Variants in TMEM150C observed in about 807,000 individuals in gnomAD.
TMEM150C encodes transmembrane protein 150C, also known as tentonin 3.
TMEM150C carries 10 observed loss-of-function variants against 29.9 expected under a neutral mutation model. The ratio of observed to expected loss-of-function variants is 0.33; its 90% CI spans 0.21 to 0.57. The LOEUF (loss-of-function observed/expected upper bound fraction) is 0.57. Ranked by LOEUF, TMEM150C falls within the 20% of genes least tolerant of loss-of-function variation. The pLI is 0.88. For synonymous variants in TMEM150C, 101 were observed against 112.5 expected, an observed-to-expected ratio of 0.90 and a Z score of 0.64; for missense variants, 251 against 303.6, an observed-to-expected ratio of 0.83 and a Z score of 1.29.
chr4:82,503,796 G>A (rs1723812273), intron 2 of TMEM150C, among the ~76,000 whole-genome samples: 1 of 151,958 alleles, frequency 6.6e-6, no homozygotes, highest in Non-Finnish European at 1.5e-5. Context: ...CTTGCAGTGA[G>A]CCAAGATCAT....
chr4:82,494,915 G>T, intron 6 of TMEM150C: 1 of 553,922 alleles, frequency 1.8e-6, no homozygotes. Context: ...CTTGTTCCTT[G>T]CGCTTCTCTT....
At chr4:82,493,671 A>C (rs1308778701) in intron 6 of TMEM150C, among the ~76,000 whole-genome samples, 1 of 152,238 alleles carries the variant, frequency 6.6e-6, no homozygotes, top group East Asian at 1.9e-4. Context: ...CGAGAGAAAC[A>C]ATAGTGACTG....
intron 1 of TMEM150C, among the ~76,000 whole-genome samples, chr4:82,534,178 C>T (rs75360632): frequency 0.055 from 8,435 of 152,154 alleles, 246 homozygotes; most frequent in South Asian, 0.076. Context: ...TATTTTGCAA[C>T]GTTTATTTTG....
Position 82,551,804 on chromosome 4 carries a change from C to T in TMEM150C, c.-11+10102G>A, listed in dbSNP as rs192385894. ...GTAACTGTTTACATGGCAGTCACCCCACTAGACTGAATAAGTGTGGCATAT... is the reference window on the plus strand; with the variant it reads ...GTAACTGTTTACATGGCAGTCACCCTACTAGACTGAATAAGTGTGGCATAT... On this transcript the variant is annotated intron_variant, in intron 1 of 7. Transcript: ENST00000449862. Among the ~76,000 whole-genome samples the T allele has an allele frequency of 4.0e-3, 612 of 152,296 alleles. 4 individuals are homozygous for T. Among genetic ancestry groups the T allele is most frequent in the African/African-American group, 0.014 (582 of 41,550 alleles).
chr4:82,536,667 AG>A (rs1172576936), intron 1 of TMEM150C, among the ~76,000 whole-genome samples: 2 of 152,110 alleles, frequency 1.3e-5, no homozygotes, highest in African/African-American at 4.8e-5. Context: ...GCTTAAGCCC[AG>A]GAGTTGGAGA....
intron 1 of TMEM150C, among the ~76,000 whole-genome samples, chr4:82,518,688 T>A (rs1033868519): frequency 6.6e-6 from 1 of 152,194 alleles, no homozygotes; most frequent in African/African-American, 2.4e-5. Flanking sequence ...TCCTCCCTAC[T>A]GGGGTTTGGC....
intron 7 of TMEM150C, 115 bp downstream of exon 7, chr4:82,489,946 C>T: frequency 1.9e-6 from 2 of 1,077,154 alleles, no homozygotes; most frequent in South Asian, 1.7e-5. Context: ...TTACCTTTGC[C>T]TTAAGATTCT....
intron 6 of TMEM150C, among the ~76,000 whole-genome samples, chr4:82,494,091 T>C (rs928512710): frequency 3.3e-5 from 5 of 152,202 alleles, no homozygotes; most frequent in Non-Finnish European, 7.3e-5. Context: ...AAATGAACGA[T>C]AGAATGCTGA....
In TMEM150C at chr4:82,504,563, T is replaced by G; in HGVS notation, c.80+15A>C. On this transcript the variant is annotated intron_variant, in intron 2 of 7. Transcript: ENST00000449862. ...GCACCTGAATCCTTAAATAATTAAA[T>G]GAGCAAATACTCACACTATCCACAA... 1 of 1,603,774 alleles carries G rather than the reference T, an allele frequency of 6.2e-7. No individual in the cohort carries two copies.
At chr4:82,504,777 T>C in intron 1 of TMEM150C, 110 bp from the exon 2 acceptor site, 2 of 744,146 alleles carry the variant, frequency 2.7e-6, no homozygotes, top group Non-Finnish European at 4.4e-6. Flanking sequence ...ACACCTGTAA[T>C]CCCAGCACTT....
chr4:82,533,011 A>G (rs2110083806), intron 1 of TMEM150C, among the ~76,000 whole-genome samples: 1 of 152,278 alleles, frequency 6.6e-6, no homozygotes, highest in East Asian at 1.9e-4. Flanking sequence ...TACAGGTGTG[A>G]GCCACTGCGC....
At chr4:82,504,480 C>G (rs1218076976) in intron 2 of TMEM150C, 98 bp downstream of exon 2, 1 of 918,376 alleles carries the variant, frequency 1.1e-6, no homozygotes, top group Non-Finnish European at 1.7e-6. Flanking sequence ...AGATTACAGG[C>G]ATGAGCCACC....
At chr4:82,521,938 C>T (rs1724501643) in intron 1 of TMEM150C, among the ~76,000 whole-genome samples, 1 of 152,066 alleles carries the variant, frequency 6.6e-6, no homozygotes, top group African/African-American at 2.4e-5. Flanking sequence ...TGGCTCACAC[C>T]TGTAATACCA....
chr4:82,534,554 C>A (rs1724948588), intron 1 of TMEM150C, among the ~76,000 whole-genome samples: 1 of 152,174 alleles, frequency 6.6e-6, no homozygotes, highest in African/African-American at 2.4e-5. Context: ...AAAGAGTTAT[C>A]AATTCTGTGC....
At chr4:82,508,502 G>A (rs1009294672) in intron 1 of TMEM150C, among the ~76,000 whole-genome samples, 6 of 150,140 alleles carry the variant, frequency 4.0e-5, no homozygotes, top group African/African-American at 1.5e-4. Context: ...GTCTCACTCT[G>A]TCGCCCAGGC....
intron 1 of TMEM150C, among the ~76,000 whole-genome samples, chr4:82,539,487 C>T (rs2110086815): frequency 6.6e-6 from 1 of 150,480 alleles, no homozygotes; most frequent in Non-Finnish European, 1.5e-5. Context: ...GAGTCTCGCT[C>T]TGTCGCCCAG....
intron 1 of TMEM150C, among the ~76,000 whole-genome samples, chr4:82,527,550 C>T (rs145166444): frequency 1.3e-3 from 203 of 152,236 alleles, no homozygotes; most frequent in African/African-American, 4.1e-3. Context: ...GAGGGCTGAC[C>T]GGGTTCCAGA....
intron 1 of TMEM150C, among the ~76,000 whole-genome samples, chr4:82,515,477 G>A (rs1019056624): frequency 1.1e-4 from 16 of 152,048 alleles, no homozygotes; most frequent in Admixed American, 3.3e-4. Context: ...GGTGGCTCAC[G>A]CTTGTAATCC....
intron 1 of TMEM150C, among the ~76,000 whole-genome samples, chr4:82,550,830 CAGGATGCACAGTTATGTTCAA>C (rs1215148309): frequency 1.6e-4 from 24 of 151,512 alleles, no homozygotes; most frequent in South Asian, 1.0e-3. Flanking sequence ...GAAGAGCTGG[CAGGATGCACAGTTATGTTCAA>C]AGGATGCACA....
Sources: allele counts gnomAD v4.1 joint callset (sites outside exome capture counted in the v4.1 genomes callset), GRCh38; gene constraint gnomAD v4.1.1; transcripts MANE v1.5; gene names NCBI Gene and HGNC (gene_info 2026-07-23, HGNC 2026-07-21).